The following TAF3 variants were observed in gnomAD, a reference collection of about 807,000 sequenced individuals.
TAF3 encodes the protein TATA-box binding protein associated factor 3.
Under a neutral mutation model 80.6 loss-of-function variants are expected in TAF3, and 7 were observed. That is an observed-to-expected ratio of 0.09 (90% confidence interval 0.05 to 0.16). TAF3 has a LOEUF of 0.16. Ranked by LOEUF, TAF3 falls within the 10% of genes least tolerant of loss-of-function variation. The pLI is 1.00. For synonymous variants in TAF3, 444 were observed against 446.1 expected (o/e 1.00, Z 0.06); for missense variants, 921 against 1,140.2 (o/e 0.81, Z 2.77).
chr10:7,974,458 C>A (rs1831651575), intron 3 of TAF3, among the ~76,000 whole-genome samples: 1 of 152,140 alleles, frequency 6.6e-6, no homozygotes, highest in South Asian at 2.1e-4. Flanking sequence ...CAGTGCTAAT[C>A]CAGACCAAAA....
At chr10:7,988,572 C>CAAAAAAAAAAAAAAAAA (rs58825999) in intron 4 of TAF3, among the ~76,000 whole-genome samples, 2 of 49,282 alleles carry the variant, frequency 4.1e-5, no homozygotes, top group Non-Finnish European at 3.9e-5. Context: ...GACCCTGTCT[C>CAAAAAAAAAAAAAAAAA]AAAAAAAAAA....
intron 4 of TAF3, among the ~76,000 whole-genome samples, chr10:8,005,928 C>G (rs1221343746): frequency 6.6e-6 from 1 of 152,132 alleles, no homozygotes; most frequent in East Asian, 1.9e-4. Flanking sequence ...CCTGGCCCTG[C>G]CATGTAGTAG....
chr10:7,831,866 T>C (rs1588515917), intron 2 of TAF3, among the ~76,000 whole-genome samples: 1 of 152,086 alleles, frequency 6.6e-6, no homozygotes, highest in East Asian at 1.9e-4. Context: ...TCTTGGAAAG[T>C]AGTATTTCTT....
intron 2 of TAF3, among the ~76,000 whole-genome samples, chr10:7,931,124 ACTT>A (rs1279564157): frequency 6.6e-6 from 1 of 152,210 alleles, no homozygotes; most frequent in Non-Finnish European, 1.5e-5. Flanking sequence ...TAGATATTAT[ACTT>A]GATTAATCCA....
intron 2 of TAF3, among the ~76,000 whole-genome samples, chr10:7,959,056 C>A (rs1281619333): frequency 6.6e-6 from 1 of 151,898 alleles, no homozygotes; most frequent in African/African-American, 2.4e-5. Context: ...AGGAGAATGC[C>A]GTGAACCCAG....
chr10:7,828,867 C>T (rs926764639), intron 2 of TAF3, among the ~76,000 whole-genome samples: 1 of 147,176 alleles, frequency 6.8e-6, no homozygotes, highest in Non-Finnish European at 1.5e-5. Context: ...AACCCTGCCT[C>T]TACTGAAAAT....
At chr10:7,871,435 C>CTTTTTTTTTTTTTTTTTTTTTTTTAT (rs1837264368) in intron 2 of TAF3, among the ~76,000 whole-genome samples, 1 of 69,116 alleles carries the variant, frequency 1.4e-5, no homozygotes, top group Non-Finnish European at 2.9e-5. Context: ...ATAACTGCTG[C>CTTTTTTTTTTTTTTTTTTTTTTTTAT]TTTTTTTTTT....
intron 2 of TAF3, among the ~76,000 whole-genome samples, chr10:7,891,607 A>T (rs1016180718): frequency 7.2e-5 from 11 of 152,182 alleles, no homozygotes; most frequent in African/African-American, 2.7e-4. Context: ...TTCTGTCTTT[A>T]CCTTCTTATG....
chr10:7,956,524 A>G (rs1292663477), intron 2 of TAF3, among the ~76,000 whole-genome samples: 1 of 152,150 alleles, frequency 6.6e-6, no homozygotes, highest in Non-Finnish European at 1.5e-5. Context: ...TTTACAGTCA[A>G]ATGTTGACCT....
intron 2 of TAF3, among the ~76,000 whole-genome samples, chr10:7,825,420 A>G (rs1836730124): frequency 6.6e-6 from 1 of 152,226 alleles, no homozygotes; most frequent in Non-Finnish European, 1.5e-5. Context: ...TTCAGCCATC[A>G]TCCCCATCCT....
intron 2 of TAF3, among the ~76,000 whole-genome samples, chr10:7,857,895 TTTTCAACA>T (rs1472047031): frequency 7.1e-6 from 1 of 141,088 alleles, no homozygotes. Flanking sequence ...CCCAGGGTTC[TTTTCAACA>T]TTTCTGATTT....
intron 2 of TAF3, among the ~76,000 whole-genome samples, chr10:7,962,446 G>T (rs1404414272): frequency 6.6e-6 from 1 of 152,070 alleles, no homozygotes; most frequent in African/African-American, 2.4e-5. Context: ...AATCCTTCTA[G>T]GTCCAAACTA....
intron 2 of TAF3, among the ~76,000 whole-genome samples, chr10:7,952,972 T>C (rs1838097484): frequency 6.6e-6 from 1 of 152,216 alleles, no homozygotes. Flanking sequence ...GATATAATGA[T>C]GAAGTGGATT....
intron 2 of TAF3, among the ~76,000 whole-genome samples, chr10:7,958,750 C>T (rs567917096): frequency 3.3e-5 from 5 of 152,240 alleles, no homozygotes; most frequent in South Asian, 4.2e-4. Context: ...CTTCCACGCG[C>T]GTTACTTATT....
At chr10:7,919,347 G>C (rs1160513418) in intron 2 of TAF3, among the ~76,000 whole-genome samples, 1 of 152,208 alleles carries the variant, frequency 6.6e-6, no homozygotes, top group African/African-American at 2.4e-5. Flanking sequence ...TGAGCCCGGG[G>C]AGGGATGGTC....
Position 7,964,714 on chromosome 10 carries a change from C to G in TAF3, c.1204C>G (p.Arg402Gly), listed in dbSNP as rs1430387138. ...DAVIARACAE[R>G]EPDPFEFSSG... ...TGTGATTGCACGAGCCTGTGCTGAG[C>G]GAGAGCCAGATCCTTTCGAATTTTC... Residue 402 changes from arginine (R) to glycine (G), a missense_variant, in exon 3 of 7, where the codon CGA becomes GGA. Transcript: ENST00000344293. The surrounding 1 kb of genome is among the most constrained non-coding windows in gnomAD (Gnocchi z 4.1). The G allele has an allele frequency of 6.2e-7, 1 of 1,614,132 alleles. No individual in the cohort carries two copies. Among genetic ancestry groups the G allele is most frequent in the Non-Finnish European group, 8.5e-7 (1 of 1,180,022 alleles).
intron 4 of TAF3, among the ~76,000 whole-genome samples, chr10:7,992,835 A>G (rs1040968465): frequency 1.3e-5 from 2 of 152,214 alleles, no homozygotes; most frequent in Non-Finnish European, 2.9e-5. Flanking sequence ...ACTTGGATAG[A>G]TTTAACAGTT....
chr10:7,993,458 C>T (rs939748512), intron 4 of TAF3, among the ~76,000 whole-genome samples: 2 of 152,162 alleles, frequency 1.3e-5, no homozygotes, highest in African/African-American at 4.8e-5. Context: ...AGATTATAGG[C>T]GTGAGCCACC....
chr10:7,937,828 A>G (rs1368018306), intron 2 of TAF3, among the ~76,000 whole-genome samples: 4 of 152,190 alleles, frequency 2.6e-5, no homozygotes, highest in Non-Finnish European at 5.9e-5. Context: ...GAAAAGGGGT[A>G]CTTTTTTTAT....
Sources: allele counts gnomAD v4.1 joint callset (sites outside exome capture counted in the v4.1 genomes callset), GRCh38; gene constraint gnomAD v4.1.1; non-coding constraint Gnocchi (gnomAD v3.1); transcripts MANE v1.5; gene names NCBI Gene and HGNC (gene_info 2026-07-23, HGNC 2026-07-21).